Variants in DHRS3 observed in about 807,000 individuals in gnomAD.
DHRS3 encodes the protein short-chain dehydrogenase/reductase 3.
DHRS3 carries 14 observed loss-of-function variants against 27.2 expected under a neutral mutation model. The observed-to-expected ratio is 0.52, with a 90% CI of 0.34 to 0.81. The LOEUF is 0.81. Ranked by LOEUF, DHRS3 falls within the 30% of genes least tolerant of loss-of-function variation. The pLI is 0.01. For synonymous variants in DHRS3, 165 were observed against 175.9 expected, an observed-to-expected ratio of 0.94 and a Z score of 0.49; for missense variants, 322 against 406.2, an observed-to-expected ratio of 0.79 and a Z score of 1.78.
rs1212639904 is a variant in DHRS3, at chr1:12,591,841, T to G, written c.196-11175A>C. 1.3e-5 allele frequency among the ~76,000 whole-genome samples: 2 copies of G among 152,148 alleles called. No homozygotes were observed. Among genetic ancestry groups the G allele is most frequent in the Non-Finnish European group, 2.9e-5 (2 of 68,038 alleles). On this transcript the variant is annotated intron_variant, in intron 1 of 5. Transcript: ENST00000616661. This position sits in a 1 kb window ranked among gnomAD's most constrained non-coding sequence, Gnocchi z 4.1. ...TCAGTGCACAGGTACAGTGAGCTGA[T>G]GCCATGTCCAAGGACTGGACAGAAA... is the stretch of plus-strand genomic sequence containing the variant.
intron 1 of DHRS3, among the ~76,000 whole-genome samples, chr1:12,610,244 A>AT (rs113026130): frequency 0.15 from 21,761 of 142,410 alleles, 1,690 homozygotes; most frequent in Non-Finnish European, 0.18. Flanking sequence ...ATGCCCAGCA[A>AT]TTTTTTTTTT....
rs959404408 is a variant in DHRS3 at position 12,617,958 on chromosome 1, A to G, written c.-610T>C. On this transcript the variant is annotated 5_prime_UTR_variant, in exon 1 of 6. Coordinates refer to ENST00000616661, the MANE Select transcript of DHRS3 (RefSeq NM_004753.7). ...CTCATTGCTATTCTTGGGCTCAGGAAATTGCTTAAACGCGATCTGATTGCC... is the reference window on the plus strand; with the variant it reads ...CTCATTGCTATTCTTGGGCTCAGGAGATTGCTTAAACGCGATCTGATTGCC... 6.6e-6 allele frequency among the ~76,000 whole-genome samples: 1 copy of G among 150,748 alleles called. No homozygotes were observed. Among genetic ancestry groups the G allele is most frequent in the African/African-American group, 2.4e-5 (1 of 40,832 alleles).
At chr1:12,612,432 C>T (rs776799955) in intron 1 of DHRS3, among the ~76,000 whole-genome samples, 21 of 152,198 alleles carry the variant, frequency 1.4e-4, no homozygotes, top group Non-Finnish European at 2.1e-4. Flanking sequence ...TCTTCCCTCC[C>T]GCAATTCCAG....
chr1:12,570,827 G>T (rs1646529620), intron 5 of DHRS3, among the ~76,000 whole-genome samples: 1 of 152,220 alleles, frequency 6.6e-6, no homozygotes, highest in South Asian at 2.1e-4. Flanking sequence ...GGAGGCCGAG[G>T]TGTGGCCTGG....
rs1032587711 is a variant in DHRS3, at chr1:12,568,211, T to A, written c.*129A>T. Reference sequence around the variant, plus strand: ...GGGACTGGCCCAGGGGCAGCCGGATTCTTCGCTGGGGACAGGAGCTGTCCT... The same window carrying A: ...GGGACTGGCCCAGGGGCAGCCGGATACTTCGCTGGGGACAGGAGCTGTCCT... On this transcript the variant is annotated 3_prime_UTR_variant, in exon 6 of 6. Coordinates refer to ENST00000616661, the MANE Select transcript of DHRS3 (RefSeq NM_004753.7). 1 of 888,836 alleles carries A rather than the reference T, an allele frequency of 1.1e-6. No individual in the cohort carries two copies. The highest frequency in any genetic ancestry group is 2.5e-5 in the East Asian group (1 of 40,040). 55.1% of individuals were successfully genotyped at this position (888,836 alleles called of 1,614,324 possible). A position where few individuals can be genotyped will look rare whatever the true frequency, so the allele number is the denominator to read the frequency against.
Position 12,581,032 on chromosome 1 carries a change from T to G in DHRS3, c.196-366A>C, listed in dbSNP as rs931900050. ...TTGTAGAGTAGGGGTATTCTTATGTTGCCCAGGCTGGTCTTGAACTCCTGG... is the reference window on the plus strand; with the variant it reads ...TTGTAGAGTAGGGGTATTCTTATGTGGCCCAGGCTGGTCTTGAACTCCTGG... On this transcript the variant is annotated intron_variant, in intron 1 of 5. Coordinates refer to ENST00000616661, the MANE Select transcript of DHRS3 (RefSeq NM_004753.7). Among the ~76,000 whole-genome samples the G allele has an allele frequency of 2.0e-5, 3 of 152,178 alleles. No individual in the cohort carries two copies. In the East Asian group the frequency reaches 5.8e-4, roughly 29 times the overall value.
At chr1:12,595,512 A>G (rs71509077) in intron 1 of DHRS3, among the ~76,000 whole-genome samples, 52,170 of 88,302 alleles carry the variant, frequency 0.59, 12,107 homozygotes, top group South Asian at 0.65. Context: ...AGGGGATGGG[A>G]AGGGGCGGGA....
At chr1:12,616,583 C>A in intron 1 of DHRS3, 1 of 986,352 alleles carries the variant, frequency 1.0e-6, no homozygotes, top group Non-Finnish European at 1.2e-6. Flanking sequence ...TTCCTGCTTT[C>A]CAAACACCTG....
intron 5 of DHRS3, among the ~76,000 whole-genome samples, chr1:12,569,547 G>GT (rs1323342574): frequency 6.6e-6 from 1 of 151,904 alleles, no homozygotes; most frequent in African/African-American, 2.4e-5. Context: ...TACTCTTTTA[G>GT]TTTTTTTATT....
chr1:12,570,651 T>C (rs1331110975), intron 5 of DHRS3, among the ~76,000 whole-genome samples: 1 of 152,116 alleles, frequency 6.6e-6, no homozygotes, highest in Non-Finnish European at 1.5e-5. Flanking sequence ...AGCGCTGAGG[T>C]GTTCTAGACC....
At chr1:12,616,848 C>T (rs1246438117) in intron 1 of DHRS3, 1 of 1,111,790 alleles carries the variant, frequency 9.0e-7, no homozygotes, top group East Asian at 3.8e-5. Flanking sequence ...GGGCACAACA[C>T]CTTCCTTTGG....
chr1:12,578,858 G>A lies in DHRS3; in HGVS notation c.558C>T (p.Ile186=), dbSNP rs147019072. The change falls in exon 4 of 6, where the codon ATC becomes ATT. Residue 186 remains isoleucine (I), a synonymous_variant. Coordinates refer to ENST00000616661, the MANE Select transcript of DHRS3 (RefSeq NM_004753.7). The surrounding 1 kb of genome is among the most constrained non-coding windows in gnomAD (Gnocchi z 4.5). ...VLALSAIPGA[I]DYCTSKASAF... ...CTGACGCTTTGGATGTGCAGTAGTCGATGGCACCGGGGATGGCAGACAGTG... is the reference window on the plus strand; with the variant it reads ...CTGACGCTTTGGATGTGCAGTAGTCAATGGCACCGGGGATGGCAGACAGTG... 7.7e-5 allele frequency: 125 copies of A among 1,614,004 alleles called. No individual in the cohort carries two copies. The highest frequency in any genetic ancestry group is 9.2e-5 in the Non-Finnish European group (108 of 1,180,028).
intron 1 of DHRS3, among the ~76,000 whole-genome samples, chr1:12,598,051 A>G (rs58584542): frequency 0.5 from 76,377 of 152,076 alleles, 19,227 homozygotes; most frequent in South Asian, 0.59. Context: ...CCACTCCAGG[A>G]AGAACGTATC....
In DHRS3 at chr1:12,580,507, C is replaced by T. The variant is rs1208507711; in HGVS notation, c.339+16G>A. 1 of 1,614,156 alleles carries T rather than the reference C, an allele frequency of 6.2e-7. No homozygotes were observed. Among genetic ancestry groups the T allele is most frequent in the Non-Finnish European group, 8.5e-7 (1 of 1,180,010 alleles). ...TGGTCAGCTGTGCTAGGAATAGACC[C>T]TCCCAGGCTACAGACCTTCTCCCGG... On this transcript the variant is annotated intron_variant, in intron 2 of 5. Coordinates refer to ENST00000616661, the MANE Select transcript of DHRS3 (RefSeq NM_004753.7).
intron 4 of DHRS3, among the ~76,000 whole-genome samples, chr1:12,576,556 C>T (rs1010361020): frequency 2.0e-5 from 3 of 146,716 alleles, no homozygotes; most frequent in Non-Finnish European, 3.1e-5. Context: ...AGCAAGATTC[C>T]GTCTTAAAAA....
intron 1 of DHRS3, among the ~76,000 whole-genome samples, chr1:12,616,202 A>G (rs1646943463): frequency 6.6e-6 from 1 of 152,126 alleles, no homozygotes; most frequent in Non-Finnish European, 1.5e-5. Context: ...CCTAGTTCAC[A>G]ACAGTTTAAG....
intron 1 of DHRS3, among the ~76,000 whole-genome samples, chr1:12,602,133 G>A (rs543524315): frequency 2.6e-5 from 4 of 152,192 alleles, no homozygotes; most frequent in South Asian, 2.1e-4. Context: ...ACCGCAGCCC[G>A]GTCCTGACCA....
chr1:12,614,562 C>T (rs1646931616), intron 1 of DHRS3, among the ~76,000 whole-genome samples: 1 of 151,786 alleles, frequency 6.6e-6, no homozygotes, highest in South Asian at 2.1e-4. Context: ...CACCCTAAGG[C>T]TCACCACCAC....
At chr1:12,597,253 T>G (rs1166652642) in intron 1 of DHRS3, among the ~76,000 whole-genome samples, 6 of 152,174 alleles carry the variant, frequency 3.9e-5, no homozygotes, top group Non-Finnish European at 8.8e-5. Flanking sequence ...ATTTTTGTAT[T>G]TTTAGTAGAG....
Sources: gnomAD v4.1 joint callset for allele counts (sites outside exome capture counted in the v4.1 genomes callset) on GRCh38, gnomAD v4.1.1 for gene constraint, Gnocchi (gnomAD v3.1) non-coding constraint, MANE v1.5 for transcripts, NCBI Gene and HGNC (gene_info 2026-07-23, HGNC 2026-07-21) for gene names.